The following MPV17L variants were observed in gnomAD, a reference collection of about 807,000 sequenced individuals.
MPV17L encodes MPV17 mitochondrial inner membrane protein like.
MPV17L carries 24 observed loss-of-function variants against 25.8 expected under a neutral mutation model. The ratio of observed to expected loss-of-function variants is 0.93; its 90% CI spans 0.67 to 1.31. The LOEUF (loss-of-function observed/expected upper bound fraction) is 1.31. Ranked by LOEUF, MPV17L falls within the 50% of genes most tolerant of loss-of-function variation. The pLI is 0.00. For synonymous variants in MPV17L, 102 were observed against 115.3 expected (o/e 0.88, Z 0.74); for missense variants, 250 against 265.6 (o/e 0.94, Z 0.41).
Position 15,409,925 on chromosome 16 carries a change from T to G in MPV17L, c.*1813T>G, listed in dbSNP as rs1292016019. The G allele has an allele frequency of 6.6e-6, 1 of 152,248 alleles. No individual in the cohort carries two copies. Among genetic ancestry groups the G allele is most frequent in the Non-Finnish European group, 1.5e-5 (1 of 68,050 alleles). 9.4% of individuals were successfully genotyped at this position (152,248 alleles called of 1,614,324 possible). A position where few individuals can be genotyped will look rare whatever the true frequency, so the allele number is the denominator to read the frequency against. Reference sequence around the variant, plus strand: ...TTTATAATTTTTAATGAATGCTTTTTAGTTTTGGGCAGATTCAGTTGACTA... The same window carrying G: ...TTTATAATTTTTAATGAATGCTTTTGAGTTTTGGGCAGATTCAGTTGACTA... On this transcript the variant is annotated 3_prime_UTR_variant, in exon 4 of 4. Transcript: ENST00000396385.
rs920743444 is a variant in MPV17L at position 15,412,795 on chromosome 16, T to C, written c.*4683T>C. On this transcript the variant is annotated 3_prime_UTR_variant, in exon 4 of 4. Coordinates refer to ENST00000396385, the MANE Select transcript of MPV17L (RefSeq NM_001128423.2). ...CGGGGTTTCACTGTGTTAGCCAGGA[T>C]GGTCTCAACCTCCTGACCTCGTGAT... is the stretch of plus-strand genomic sequence containing the variant. 3 of 151,588 alleles carry C rather than the reference T, an allele frequency of 2.0e-5. No individual in the cohort carries two copies. Among genetic ancestry groups the C allele is most frequent in the African/African-American group, 4.8e-5 (2 of 41,266 alleles). 9.4% of individuals were successfully genotyped at this position (151,588 alleles called of 1,614,324 possible).
Position 15,410,947 on chromosome 16 carries a change from C to A in MPV17L, c.*2835C>A, listed in dbSNP as rs146569200. The stretch of plus-strand genomic sequence containing the variant: ...AAGAAGATACATTTTAACATCAAAA[C>A]GTAGGCCGGGCACAGTGGCTTACGC... On this transcript the variant is annotated 3_prime_UTR_variant, in exon 4 of 4. Coordinates refer to ENST00000396385, the MANE Select transcript of MPV17L (RefSeq NM_001128423.2). 1 of 151,318 alleles carries A rather than the reference C, an allele frequency of 6.6e-6. No homozygotes were observed. Among genetic ancestry groups the A allele is most frequent in the African/African-American group, 2.5e-5 (1 of 40,684 alleles). The allele number at this position is 151,318 out of a possible 1,614,324, so 9.4% of individuals were successfully genotyped here. A position where few individuals can be genotyped will look rare whatever the true frequency, so the allele number is the denominator to read the frequency against.
At chr16:15,399,838 A>G (rs549307565) in intron 1 of MPV17L, among the ~76,000 whole-genome samples, 6 of 151,854 alleles carry the variant, frequency 4.0e-5, no homozygotes, top group Admixed American at 2.6e-4. Context: ...GCTCACCTCA[A>G]CCTCCAAATC....
intron 2 of MPV17L, among the ~76,000 whole-genome samples, chr16:15,406,998 G>C (rs1370858323): frequency 1.3e-5 from 2 of 151,874 alleles, no homozygotes; most frequent in African/African-American, 4.8e-5. Context: ...ACTTTGGGAG[G>C]CTGCAGTGGG....
chr16:15,408,258 A>G lies in MPV17L; in HGVS notation c.*146A>G, dbSNP rs968298801. ...AGACCCACTTTTTAAAAAATTATCA[A>G]TGATTATTTTTGAATTGTATTCAGA... On this transcript the variant is annotated 3_prime_UTR_variant, in exon 4 of 4. Transcript: ENST00000396385. 44 of 599,558 alleles carry G rather than the reference A, an allele frequency of 7.3e-5. 1 individual carries two copies. The highest frequency in any genetic ancestry group is 1.1e-4 in the Non-Finnish European group (37 of 349,306). The allele number at this position is 599,558 out of a possible 1,614,324, so 37.1% of individuals were successfully genotyped here. A position where few individuals can be genotyped will look rare whatever the true frequency, so the allele number is the denominator to read the frequency against.
At chr16:15,404,592 G>T (rs1371783130) in intron 2 of MPV17L, among the ~76,000 whole-genome samples, 3 of 152,150 alleles carry the variant, frequency 2.0e-5, no homozygotes, top group Non-Finnish European at 4.4e-5. Flanking sequence ...AGGCCAAGGC[G>T]AGCAGATCAT....
chr16:15,400,259 T>A (rs1439721714), intron 1 of MPV17L, among the ~76,000 whole-genome samples: 1 of 152,220 alleles, frequency 6.6e-6, no homozygotes, highest in Admixed American at 6.5e-5. Flanking sequence ...ATAATCGTTC[T>A]GCTATAATTT....
In MPV17L at chr16:15,397,902, G is replaced by A. The variant is rs544338651; in HGVS notation, c.310+1695G>A. On this transcript the variant is annotated intron_variant, in intron 1 of 3. Transcript: ENST00000396385. Reference sequence around the variant, plus strand: ...GGCCTCCTGTTTTATCAGAAGGTCTGTGCCTGTGCCCGGTGTGTGATTTGC... The same window carrying A: ...GGCCTCCTGTTTTATCAGAAGGTCTATGCCTGTGCCCGGTGTGTGATTTGC... Among the ~76,000 whole-genome samples the A allele has an allele frequency of 7.2e-5, 11 of 152,248 alleles. No individual in the cohort carries two copies. The South Asian group carries it at 2.1e-3, about 29-fold the overall frequency.
At chr16:15,400,715 G>T in intron 1 of MPV17L, 72 bp from the exon 2 acceptor site, 1 of 1,052,550 alleles carries the variant, frequency 9.5e-7, no homozygotes, top group Non-Finnish European at 1.3e-6. Flanking sequence ...TTTGGAATGG[G>T]AAACTTAAAC....
At chr16:15,398,524 C>T (rs1035318820) in intron 1 of MPV17L, among the ~76,000 whole-genome samples, 1 of 151,868 alleles carries the variant, frequency 6.6e-6, no homozygotes, top group East Asian at 1.9e-4. Context: ...AGGCCAAGCT[C>T]TCTGATACAG....
chr16:15,401,076 ATATATATATATTTTT>A (rs1191177201), intron 2 of MPV17L, among the ~76,000 whole-genome samples: 3 of 31,288 alleles, frequency 9.6e-5, no homozygotes, highest in Admixed American at 4.5e-4. Flanking sequence ...ATATATATAT[ATATATATATATTTTT>A]TTTTTTTTTT....
At chr16:15,399,477 C>T in intron 1 of MPV17L, 1 of 447,294 alleles carries the variant, frequency 2.2e-6, no homozygotes, top group Non-Finnish European at 4.5e-6. Context: ...GTGATCACAG[C>T]TCATTGCAGC....
chr16:15,399,312 T>C (rs538202324), intron 1 of MPV17L: 3 of 424,914 alleles, frequency 7.1e-6, no homozygotes, highest in Non-Finnish European at 1.4e-5. Flanking sequence ...TCCCTCCTAA[T>C]CAGGGATTGG....
Position 15,410,533 on chromosome 16 carries a change from AGAGT to A in MPV17L, c.*2425_*2428del, listed in dbSNP as rs1302123356. 5 of 152,164 alleles carry A rather than the reference AGAGT, an allele frequency of 3.3e-5. No homozygotes were observed. Among genetic ancestry groups the A allele is most frequent in the Admixed American group, 3.3e-4 (5 of 15,258 alleles). The allele number at this position is 152,164 out of a possible 1,614,324, so 9.4% of individuals were successfully genotyped here. A position where few individuals can be genotyped will look rare whatever the true frequency, so the allele number is the denominator to read the frequency against. ...GCCACTGCACTCCAGCCTGGGTGAC[AGAGT>A]GAGACTCCGTCTCAAAAAAAAAAAG... On this transcript the variant is annotated 3_prime_UTR_variant, in exon 4 of 4. Transcript: ENST00000396385.
At chr16:15,400,203 A>G (rs1167923457) in intron 1 of MPV17L, among the ~76,000 whole-genome samples, 1 of 152,154 alleles carries the variant, frequency 6.6e-6, no homozygotes, top group East Asian at 1.9e-4. Context: ...CAATAGACCC[A>G]CTATTGTAAC....
At position 15,412,739 on chromosome 16, in the gene MPV17L, A is replaced by ATT. The variant is rs34761955; in HGVS notation, c.*4640_*4641dup. ...AGGCGCCCGCCACCATGACCCACTA[A>ATT]TTTTTTTTTTTTTTGGATTTTTAGT... is the stretch of plus-strand genomic sequence containing the variant. On this transcript the variant is annotated 3_prime_UTR_variant, in exon 4 of 4. Coordinates refer to ENST00000396385, the MANE Select transcript of MPV17L (RefSeq NM_001128423.2). The ATT allele has an allele frequency of 1.0e-3, 144 of 144,556 alleles. No individual in the cohort carries two copies. Among genetic ancestry groups the ATT allele is most frequent in the South Asian group, 1.3e-3 (6 of 4,516 alleles). 9.0% of individuals were successfully genotyped at this position (144,556 alleles called of 1,614,324 possible).
intron 1 of MPV17L, 130 bp downstream of exon 1, chr16:15,396,337 T>C: frequency 1.6e-6 from 2 of 1,223,654 alleles, no homozygotes; most frequent in Non-Finnish European, 2.2e-6. Flanking sequence ...GCCGGGGCTC[T>C]GAGACCGGAG....
Position 15,408,446 on chromosome 16 carries a change from G to C in MPV17L, c.*334G>C. The C allele has an allele frequency of 5.1e-6, 1 of 194,748 alleles. No individual in the cohort carries two copies. The allele number at this position is 194,748 out of a possible 1,614,324, so 12.1% of individuals were successfully genotyped here. A position where few individuals can be genotyped will look rare whatever the true frequency, so the allele number is the denominator to read the frequency against. ...TTCACATTTCTATTCTAAAATCTCA[G>C]GTTATCTCCTGAACACTTTTGGGCA... is the stretch of plus-strand genomic sequence containing the variant. On this transcript the variant is annotated 3_prime_UTR_variant, in exon 4 of 4. Coordinates refer to ENST00000396385, the MANE Select transcript of MPV17L (RefSeq NM_001128423.2).
Position 15,400,775 on chromosome 16 carries a change from T to G in MPV17L, c.311-12T>G. The stretch of plus-strand genomic sequence containing the variant: ...TGAATCTTTTAAAATTTTTTTTGGG[T>G]TTTGCAAATAGGTATGAGCATTCTC... On this transcript the variant is annotated splice_polypyrimidine_tract_variant and intron_variant, in intron 1 of 3. Coordinates refer to ENST00000396385, the MANE Select transcript of MPV17L (RefSeq NM_001128423.2). 6.3e-7 allele frequency: 1 copy of G among 1,584,152 alleles called. No homozygotes were observed. Among genetic ancestry groups the G allele is most frequent in the Non-Finnish European group, 8.6e-7 (1 of 1,168,846 alleles).
Sources: gnomAD v4.1 joint callset for allele counts (sites outside exome capture counted in the v4.1 genomes callset) on GRCh38, gnomAD v4.1.1 for gene constraint, MANE v1.5 for transcripts, NCBI Gene and HGNC (gene_info 2026-07-23, HGNC 2026-07-21) for gene names.